The following MCPH1 variants were observed in gnomAD, a reference collection of about 807,000 sequenced individuals.
MCPH1 encodes microcephalin.
MCPH1 carries 104 observed loss-of-function variants against 84.5 expected under a neutral mutation model. The ratio of observed to expected loss-of-function variants is 1.23; its 90% CI spans 1.05 to 1.45. The LOEUF is 1.45. MCPH1 is among the 40% of genes most tolerant of loss of function. The pLI is 0.00. For missense variants in MCPH1, 1,498 were observed against 1,005.7 expected (o/e 1.49, Z -6.62); for synonymous variants, 514 against 366.8 (o/e 1.40, Z -4.58).
At chr8:6,521,269 A>C in intron 12 of MCPH1, 1 of 1,613,918 alleles carries the variant, frequency 6.2e-7, no homozygotes, top group Admixed American at 1.7e-5. Context: ...TCACCGTGGC[A>C]GTCACTATTT....
Position 6,438,956 on chromosome 8 carries a change from A to C in MCPH1, c.440A>C (p.Asp147Ala). Reference protein sequence around the residue: ...ELQRQKTNLDDDVPILLFESN... With the variant: ...ELQRQKTNLDADVPILLFESN... The stretch of plus-strand genomic sequence containing the variant: ...TGGATTTTTTGTTTATTTTCAGATG[A>C]TGATGTACCTATTCTCTTATTTGAA... The change falls in exon 6 of 14, where the codon GAT becomes GCT. Residue 147 changes from aspartate (D) to alanine (A), a missense_variant. Coordinates refer to ENST00000344683, the MANE Select transcript of MCPH1 (RefSeq NM_024596.5). 6.8e-6 allele frequency: 11 copies of C among 1,611,994 alleles called. No homozygotes were observed. The highest frequency in any genetic ancestry group is 9.3e-6 in the Non-Finnish European group (11 of 1,178,722).
rs1456097837 is a variant in MCPH1, at chr8:6,414,833, C to G, written c.183C>G (p.Asp61Glu). ...AAGATGGCTACCAGAGCACTTGGGA[C>G]AAAGCTCAGAAGAGAGGCGTAAAGC... ...IFKDGYQSTW[D>E]KAQKRGVKLV... is the part of the protein sequence containing the mutation. The change falls in exon 3 of 14, where the codon GAC becomes GAG. Residue 61 changes from aspartate (D) to glutamate (E), a missense_variant. By Grantham distance (45) the Asp-to-Glu change is conservative. Transcript: ENST00000344683. 6.2e-7 allele frequency: 1 copy of G among 1,613,608 alleles called. No homozygotes were observed. The highest frequency in any genetic ancestry group is 1.1e-5 in the South Asian group (1 of 91,050).
intron 5 of MCPH1, among the ~76,000 whole-genome samples, chr8:6,436,638 C>A (rs1237250023): frequency 6.6e-6 from 1 of 150,848 alleles, no homozygotes; most frequent in African/African-American, 2.4e-5. Context: ...TATATGTATT[C>A]TTATGTATAT....
chr8:6,622,376 G>A (rs1226326531), intron 13 of MCPH1, among the ~76,000 whole-genome samples: 1 of 152,208 alleles, frequency 6.6e-6, no homozygotes, highest in African/African-American at 2.4e-5. Context: ...CCCCGGAGAA[G>A]AGGGTTAAGG....
intron 12 of MCPH1, among the ~76,000 whole-genome samples, chr8:6,564,086 A>G (rs996753614): frequency 1.4e-5 from 2 of 145,300 alleles, no homozygotes; most frequent in Non-Finnish European, 1.5e-5. Flanking sequence ...GGTTCAAGTG[A>G]TTCTCTTGCC....
intron 8 of MCPH1, chr8:6,446,905 TG>T: frequency 1.0e-6 from 1 of 984,630 alleles, no homozygotes; most frequent in Non-Finnish European, 1.2e-6. Context: ...CCTCCGGGGT[TG>T]GGGGTAAGTA....
At chr8:6,499,126 G>C (rs900972324) in intron 11 of MCPH1, among the ~76,000 whole-genome samples, 1 of 151,892 alleles carries the variant, frequency 6.6e-6, no homozygotes, top group African/African-American at 2.4e-5. Context: ...GTATAATCCA[G>C]CTTTGTTATT....
chr8:6,474,311 C>T (rs1183821556), intron 9 of MCPH1: 2 of 505,860 alleles, frequency 4.0e-6, no homozygotes, highest in African/African-American at 1.9e-5. Context: ...GTTTTTCCAA[C>T]CTCTGGTGTA....
At chr8:6,471,817 C>G (rs1372252701) in intron 9 of MCPH1, among the ~76,000 whole-genome samples, 2 of 152,206 alleles carry the variant, frequency 1.3e-5, no homozygotes, top group African/African-American at 4.8e-5. Flanking sequence ...AACACAGCCC[C>G]CTCTTGGTCG....
At chr8:6,632,194 G>C (rs1797212927) in intron 13 of MCPH1, among the ~76,000 whole-genome samples, 1 of 152,204 alleles carries the variant, frequency 6.6e-6, no homozygotes, top group African/African-American at 2.4e-5. Flanking sequence ...GAAGGGAGTG[G>C]AGAATTATTG....
chr8:6,539,235 C>T (rs868362276), intron 12 of MCPH1, among the ~76,000 whole-genome samples: 1 of 152,234 alleles, frequency 6.6e-6, no homozygotes, highest in Non-Finnish European at 1.5e-5. Context: ...TTCACATGCC[C>T]TGTGACGTGG....
intron 9 of MCPH1, among the ~76,000 whole-genome samples, chr8:6,471,358 TG>T (rs1480310535): frequency 6.6e-6 from 1 of 152,220 alleles, no homozygotes; most frequent in Non-Finnish European, 1.5e-5. Context: ...GAAGATGGAT[TG>T]TTTTTTAATC....
chr8:6,477,714 A>C (rs534799193), intron 10 of MCPH1, 83 bp downstream of exon 10: 5 of 1,066,498 alleles, frequency 4.7e-6, no homozygotes, highest in South Asian at 3.8e-5. Flanking sequence ...CCTTTAGGCA[A>C]CTTGTCAATC....
intron 12 of MCPH1, chr8:6,616,442 C>T (rs1830798516): frequency 6.6e-6 from 1 of 152,202 alleles, no homozygotes; most frequent in African/African-American, 2.4e-5. Context: ...TACAGTCTGC[C>T]TTAACTGACT....
chr8:6,639,105 CA>C (rs1353684490), intron 13 of MCPH1, among the ~76,000 whole-genome samples: 1 of 152,196 alleles, frequency 6.6e-6, no homozygotes, highest in Non-Finnish European at 1.5e-5. Context: ...ATACTTCTGG[CA>C]GCCTTTATCC....
intron 12 of MCPH1, chr8:6,521,530 T>G: frequency 2.7e-6 from 2 of 744,526 alleles, no homozygotes; most frequent in East Asian, 5.4e-5. Flanking sequence ...TAAAGTAATA[T>G]GATGTTACCA....
At chr8:6,561,994 G>C (rs1049291158) in intron 12 of MCPH1, among the ~76,000 whole-genome samples, 3 of 152,116 alleles carry the variant, frequency 2.0e-5, no homozygotes, top group Non-Finnish European at 4.4e-5. Context: ...AACTGACGGG[G>C]GCTGCAGTGC....
chr8:6,490,683 A>G (rs2440406), intron 11 of MCPH1, among the ~76,000 whole-genome samples: 37,816 of 152,130 alleles, frequency 0.25, 4,820 homozygotes, highest in Middle Eastern at 0.33. Flanking sequence ...TTAATTTCCA[A>G]TGAATTGAAT....
Position 6,431,180 on chromosome 8 carries a change from A to G in MCPH1, c.234-319A>G, listed in dbSNP as rs138402625. ...TGTTTACTATTAAATGATCCATTTAATAGCATTTACCCTTAGCTTTATGAG... is the reference window on the plus strand; with the variant it reads ...TGTTTACTATTAAATGATCCATTTAGTAGCATTTACCCTTAGCTTTATGAG... On this transcript the variant is annotated intron_variant, in intron 3 of 13. Coordinates refer to ENST00000344683, the MANE Select transcript of MCPH1 (RefSeq NM_024596.5). Among the ~76,000 whole-genome samples the G allele has an allele frequency of 3.3e-5, 5 of 152,320 alleles. No homozygotes were observed. The East Asian group carries it at 9.6e-4, about 29-fold the overall frequency.
Sources: gnomAD v4.1 joint callset for allele counts (sites outside exome capture counted in the v4.1 genomes callset) on GRCh38, gnomAD v4.1.1 for gene constraint, MANE v1.5 for transcripts, NCBI Gene and HGNC (gene_info 2026-07-23, HGNC 2026-07-21) for gene names.